The following KANSL1 variants were observed in gnomAD, a reference collection of about 807,000 sequenced individuals.
KANSL1 encodes MLL1/MLL complex subunit KANSL1.
In KANSL1, 22 loss-of-function variants were observed where a neutral mutation model predicts 103.6. That is an observed-to-expected ratio of 0.21 (90% CI 0.15 to 0.30). The LOEUF (loss-of-function observed/expected upper bound fraction) is 0.30, where lower values mean the gene tolerates loss of function less well. Ranked by LOEUF, KANSL1 falls within the 10% of genes least tolerant of loss-of-function variation. KANSL1 has a pLI of 1.00. For missense variants in KANSL1, 1,337 were observed against 1,399.8 expected, an observed-to-expected ratio of 0.96 and a Z score of 0.72; for synonymous variants, 600 against 527.6, an observed-to-expected ratio of 1.14 and a Z score of -1.88.
intron 1 of KANSL1, among the ~76,000 whole-genome samples, chr17:46,215,656 T>C (rs2048317100): frequency 6.6e-6 from 1 of 152,316 alleles, no homozygotes; most frequent in East Asian, 1.9e-4. Context: ...AAATCCCTGA[T>C]TTGAGTGACT....
chr17:46,148,838 G>A (rs1363085897), intron 2 of KANSL1, among the ~76,000 whole-genome samples: 1 of 149,702 alleles, frequency 6.7e-6, no homozygotes, highest in African/African-American at 2.5e-5. Flanking sequence ...TGCCCACCTC[G>A]GTTTCCCAAA....
chr17:46,062,901 A>G (rs1190797354), intron 6 of KANSL1, among the ~76,000 whole-genome samples: 1 of 151,666 alleles, frequency 6.6e-6, no homozygotes, highest in Non-Finnish European at 1.5e-5. Flanking sequence ...AATACAAAAA[A>G]TAGCTGGGCG....
intron 2 of KANSL1, among the ~76,000 whole-genome samples, chr17:46,158,410 G>A (rs1567745080): frequency 6.6e-6 from 1 of 151,396 alleles, no homozygotes; most frequent in African/African-American, 2.4e-5. Context: ...CCCAGCTGGA[G>A]TGCGGTGGCA....
At position 46,050,640 on chromosome 17, in the gene KANSL1, G is replaced by A; in HGVS notation, c.1913C>T (p.Ser638Leu). 1 of 1,614,190 alleles carries A rather than the reference G, an allele frequency of 6.2e-7. No homozygotes were observed. Among genetic ancestry groups the A allele is most frequent in the Non-Finnish European group, 8.5e-7 (1 of 1,180,030 alleles). ...DVNPSCALCG[S>L]GSINTMPPEI... Reference sequence around the variant, plus strand: ...GGGAGGCATGGTGTTGATGCTGCCTGAACCACACAGTGCGCAGGAGGGATT... The same window carrying A: ...GGGAGGCATGGTGTTGATGCTGCCTAAACCACACAGTGCGCAGGAGGGATT... Residue 638 changes from serine to leucine, a missense_variant, in exon 7 of 15, where the codon TCA becomes TTA. Physicochemically the swap from Ser to Leu is moderately radical, Grantham distance 145. This residue lies in a region of KANSL1 where 780 missense variants were observed against 923.4 expected (regional missense o/e 0.84). Coordinates refer to ENST00000432791, the MANE Select transcript of KANSL1 (RefSeq NM_015443.4).
At chr17:46,209,621 G>A in intron 1 of KANSL1, among the ~76,000 whole-genome samples, 1 of 152,120 alleles carries the variant, frequency 6.6e-6, no homozygotes, top group East Asian at 1.9e-4. Context: ...AGCCTCCCAA[G>A]TAGCTGGGAT....
intron 2 of KANSL1, among the ~76,000 whole-genome samples, chr17:46,097,841 C>T (rs1274343893): frequency 6.7e-6 from 1 of 149,808 alleles, no homozygotes; most frequent in Admixed American, 6.6e-5. Flanking sequence ...ACAAATCTGA[C>T]CACGACAGAG....
chr17:46,058,737 ACACACACTCTCTCTCTCTCTCT>A (rs1206082098), intron 6 of KANSL1, among the ~76,000 whole-genome samples: 1,454 of 72,228 alleles, frequency 0.02, 29 homozygotes, highest in African/African-American at 0.056. Context: ...ACACACACAC[ACACACACTCTCTCTCTCTCTCT>A]CTCTCTCTCT....
At chr17:46,191,813 T>C (rs377304895) in intron 1 of KANSL1, among the ~76,000 whole-genome samples, 25 of 152,032 alleles carry the variant, frequency 1.6e-4, no homozygotes, top group African/African-American at 4.6e-4. Context: ...AACACCAGGA[T>C]TGTGAATGGA....
Position 46,171,363 on chromosome 17 carries a change from C to G in KANSL1, c.781G>C (p.Val261Leu). The change falls in exon 2 of 15, where the codon GTC (valine) becomes CTC (leucine). Residue 261 changes from valine (V) to leucine (L), a missense_variant. Around this residue, in one of 2 missense-constraint regions of KANSL1, gnomAD observed 557 missense variants for 476.4 expected, o/e 1.17. Coordinates refer to ENST00000432791, the MANE Select transcript of KANSL1 (RefSeq NM_015443.4). ...GGAGACTTTTTACCCTCCAATTTGA[C>G]ACCCCCCAAGTTAGAGCTGGAGTCT... ...GTDSSSNLGG[V>L]KLEGKKSPLS... is the part of the protein sequence containing the mutation. 2 of 1,614,180 alleles carry G rather than the reference C, an allele frequency of 1.2e-6. No homozygotes were observed. Among genetic ancestry groups the G allele is most frequent in the South Asian group, 2.2e-5 (2 of 91,090 alleles).
intron 5 of KANSL1, among the ~76,000 whole-genome samples, chr17:46,067,199 CATAA>C (rs2078411533): frequency 6.6e-6 from 1 of 152,170 alleles, no homozygotes; most frequent in African/African-American, 2.4e-5. Flanking sequence ...CTTGAATCTT[CATAA>C]ATACAGATTT....
intron 2 of KANSL1, among the ~76,000 whole-genome samples, chr17:46,135,395 C>G (rs559655244): frequency 4.2e-4 from 55 of 129,946 alleles, no homozygotes; most frequent in Admixed American, 1.1e-3. Flanking sequence ...GGAAGGTTGG[C>G]AAACACAAGT....
upstream of KANSL1, among the ~76,000 whole-genome samples, chr17:46,197,696 GCTGT>G (rs1388873018): frequency 3.9e-5 from 6 of 152,234 alleles, no homozygotes; most frequent in African/African-American, 1.2e-4. Flanking sequence ...TTGGTTAAAT[GCTGT>G]CTGTAATTCC....
At chr17:46,177,762 CA>C (rs1317300152) in intron 1 of KANSL1, among the ~76,000 whole-genome samples, 1 of 151,586 alleles carries the variant, frequency 6.6e-6, no homozygotes, top group African/African-American at 2.4e-5. Flanking sequence ...CTAAGTAAAA[CA>C]AAATCACAGT....
At chr17:46,032,666 A>T (rs1352822678) in intron 13 of KANSL1, 1 of 327,912 alleles carries the variant, frequency 3.0e-6, no homozygotes, top group Non-Finnish European at 5.5e-6. Context: ...CACTGTTAAC[A>T]ATAAATGGAG....
chr17:46,153,007 T>C (rs533525261), intron 2 of KANSL1: 1 of 152,354 alleles, frequency 6.6e-6, no homozygotes, highest in East Asian at 1.9e-4. Context: ...ACATCTGACA[T>C]AAAACATTAC....
At chr17:46,049,306 C>T (rs1484807977) in intron 7 of KANSL1, 1 of 129,876 alleles carries the variant, frequency 7.7e-6, no homozygotes, top group Non-Finnish European at 1.5e-5. Context: ...AGTGCAGTGG[C>T]ATGATCTTGA....
At chr17:46,104,441 T>C (rs1454464261) in intron 2 of KANSL1, among the ~76,000 whole-genome samples, 1 of 152,226 alleles carries the variant, frequency 6.6e-6, no homozygotes, top group Non-Finnish European at 1.5e-5. Flanking sequence ...TCTTATTTTG[T>C]TATTTGTATG....
At chr17:46,219,131 A>G (rs2048434095) in intron 1 of KANSL1, among the ~76,000 whole-genome samples, 1 of 151,046 alleles carries the variant, frequency 6.6e-6, no homozygotes, top group Non-Finnish European at 1.5e-5. Context: ...GGCCATGGTG[A>G]CAGGTGCCTG....
chr17:46,196,458 G>T, upstream of KANSL1: 2 of 454,740 alleles, frequency 4.4e-6, no homozygotes, highest in Non-Finnish European at 8.8e-6. Context: ...AATGATGGAG[G>T]AAAAAACAGT....
Sources: allele counts gnomAD v4.1 joint callset (sites outside exome capture counted in the v4.1 genomes callset), GRCh38; gene constraint gnomAD v4.1.1; regional missense constraint gnomAD v4.1.1; transcripts MANE v1.5; gene names NCBI Gene and HGNC (gene_info 2026-07-23, HGNC 2026-07-21).